RFC3: variants seen among roughly 807,000 people sequenced by gnomAD.
RFC3 encodes the protein A1 38 kDa subunit.
Under a neutral mutation model 45.1 loss-of-function variants are expected in RFC3, and 41 were observed. That is an observed-to-expected ratio of 0.91 (90% CI 0.71 to 1.18). RFC3 has a LOEUF of 1.18. RFC3 is among the 50% of genes most tolerant of loss of function. RFC3 has a pLI of 0.00. For synonymous variants in RFC3, 149 were observed against 144.0 expected (o/e 1.03, Z -0.25); for missense variants, 423 against 428.1 (o/e 0.99, Z 0.10).
At chr13:33,888,749 T>C (rs2082543890) in intron 8 of RFC3, among the ~76,000 whole-genome samples, 1 of 117,398 alleles carries the variant, frequency 8.5e-6, no homozygotes. Flanking sequence ...AAGAAAATCT[T>C]TTTTTTTTTT....
chr13:33,851,114 T>A (rs1173040682), intron 8 of RFC3, among the ~76,000 whole-genome samples: 1 of 152,198 alleles, frequency 6.6e-6, no homozygotes, highest in Non-Finnish European at 1.5e-5. Flanking sequence ...AGCATAATGC[T>A]TTGTTGATAA....
chr13:33,929,185 A>G (rs1382254736), intron 8 of RFC3, among the ~76,000 whole-genome samples: 1 of 152,158 alleles, frequency 6.6e-6, no homozygotes. Context: ...ATTCCCAGTC[A>G]TGAGGAAATT....
In RFC3 at chr13:33,902,810, C is replaced by A. The variant is rs752274648; in HGVS notation, c.880-63277C>A. The stretch of plus-strand genomic sequence containing the variant: ...AAGAGGTAAATTAGATCCTGTCATT[C>A]CCTTGCTCCAGGGGTGTCCAGTGTT... On this transcript the variant is annotated intron_variant, in intron 8 of 8. Transcript: ENST00000434425. Among the ~76,000 whole-genome samples, 30 of 151,944 alleles carry A rather than the reference C, an allele frequency of 2.0e-4. 1 individual carries two copies. The highest frequency in any genetic ancestry group is 3.7e-4 in the Non-Finnish European group (25 of 67,956).
intron 8 of RFC3, among the ~76,000 whole-genome samples, chr13:33,931,155 G>T (rs192020069): frequency 4.6e-5 from 7 of 152,176 alleles, no homozygotes; most frequent in Non-Finnish European, 1.0e-4. Flanking sequence ...AAGCAACATA[G>T]TGAGAATATC....
intron 8 of RFC3, among the ~76,000 whole-genome samples, chr13:33,888,733 AT>A (rs2082543577): frequency 6.6e-6 from 1 of 150,562 alleles, no homozygotes; most frequent in Admixed American, 6.6e-5. Flanking sequence ...GCAAATATTT[AT>A]TTTAAAGAAA....
intron 8 of RFC3, among the ~76,000 whole-genome samples, chr13:33,934,829 G>A (rs1162174666): frequency 1.3e-5 from 2 of 151,800 alleles, no homozygotes; most frequent in Non-Finnish European, 1.5e-5. Flanking sequence ...TCCTATAAGC[G>A]TCTCTTCTGA....
In RFC3 at chr13:33,836,309, T is replaced by A; in HGVS notation, c.*14T>A. 1 of 1,610,426 alleles carries A rather than the reference T, an allele frequency of 6.2e-7. No homozygotes were observed. The highest frequency in any genetic ancestry group is 8.5e-7 in the Non-Finnish European group (1 of 1,177,098). On this transcript the variant is annotated 3_prime_UTR_variant, in exon 9 of 9. Transcript: ENST00000380071. ...ATGATGTTCTGACTTCTGTCAGTTA[T>A]TCTTGCAAAGATTTCTCAGTATCAG...
chr13:33,868,327 G>A (rs1462181899), intron 8 of RFC3, among the ~76,000 whole-genome samples: 1 of 152,112 alleles, frequency 6.6e-6, no homozygotes, highest in African/African-American at 2.4e-5. Flanking sequence ...GGAGAGTAGG[G>A]TCTGGAGGCA....
chr13:33,906,842 T>C (rs2082674767), intron 8 of RFC3, among the ~76,000 whole-genome samples: 1 of 152,088 alleles, frequency 6.6e-6, no homozygotes, highest in Non-Finnish European at 1.5e-5. Context: ...GGATGATTAG[T>C]ACCAAAGAAG....
chr13:33,972,480 T>G, the RFC3 span, among the ~76,000 whole-genome samples: 1 of 152,248 alleles, frequency 6.6e-6, no homozygotes, highest in African/African-American at 2.4e-5. Context: ...TTCTTGCTAT[T>G]AAGTTTGACT....
intron 8 of RFC3, among the ~76,000 whole-genome samples, chr13:33,888,657 G>A (rs1858736594): frequency 6.6e-6 from 1 of 151,748 alleles, no homozygotes; most frequent in African/African-American, 2.4e-5. Flanking sequence ...GCAGATTCCT[G>A]GAAAATACTA....
At chr13:33,906,208 C>A (rs1331380416) in intron 8 of RFC3, among the ~76,000 whole-genome samples, 1 of 152,080 alleles carries the variant, frequency 6.6e-6, no homozygotes, top group Non-Finnish European at 1.5e-5. Context: ...TCTTAAAATT[C>A]TACCTGTGAA....
chr13:33,839,882 C>T (rs895000799), downstream of RFC3, among the ~76,000 whole-genome samples: 1 of 152,148 alleles, frequency 6.6e-6, no homozygotes, highest in African/African-American at 2.4e-5. Context: ...CAGATGGTTT[C>T]AAAATACAAA....
At chr13:33,954,935 G>A (rs2083012899) in intron 8 of RFC3, among the ~76,000 whole-genome samples, 1 of 152,108 alleles carries the variant, frequency 6.6e-6, no homozygotes, top group Admixed American at 6.5e-5. Flanking sequence ...TCAAAATTCA[G>A]CACTAAGCTT....
intron 8 of RFC3, among the ~76,000 whole-genome samples, chr13:33,878,292 G>A (rs530110157): frequency 3.7e-4 from 57 of 152,242 alleles, no homozygotes; most frequent in African/African-American, 1.3e-3. Flanking sequence ...GTTATACATC[G>A]TTTTCACTGA....
At chr13:33,899,544 G>T (rs1372335635) in intron 8 of RFC3, among the ~76,000 whole-genome samples, 1 of 151,506 alleles carries the variant, frequency 6.6e-6, no homozygotes, top group Non-Finnish European at 1.5e-5. Context: ...AAGTAATAAA[G>T]CCTGTATATG....
chr13:33,819,805 T>C (rs1215712889), intron 1 of RFC3, among the ~76,000 whole-genome samples: 1 of 152,234 alleles, frequency 6.6e-6, no homozygotes, highest in South Asian at 2.1e-4. Context: ...TTAAGAAATG[T>C]TCACCTGTTT....
intron 1 of RFC3, among the ~76,000 whole-genome samples, chr13:33,818,881 GTTTT>G (rs72236854): frequency 3.6e-5 from 4 of 112,036 alleles, no homozygotes; most frequent in East Asian, 2.5e-4. Context: ...CCTGAGATTA[GTTTT>G]TTTTTTTTTT....
At chr13:33,824,115 A>G (rs2082028129) in intron 3 of RFC3, 131 bp downstream of exon 3, 2 of 513,758 alleles carry the variant, frequency 3.9e-6, no homozygotes, top group Admixed American at 3.8e-5. Flanking sequence ...AAACAGACTA[A>G]AGTGGAGCTG....
Sources: gnomAD v4.1 joint callset for allele counts (sites outside exome capture counted in the v4.1 genomes callset) on GRCh38, gnomAD v4.1.1 for gene constraint, MANE v1.5 for transcripts, NCBI Gene and HGNC (gene_info 2026-07-23, HGNC 2026-07-21) for gene names.